Variants in DHX29 observed in about 807,000 individuals in gnomAD.
DHX29 encodes the protein DExH-box helicase 29, also known as ATP-dependent RNA helicase DHX29.
In DHX29, 79 loss-of-function variants were observed where a neutral mutation model predicts 167.9. The ratio of observed to expected loss-of-function variants is 0.47; its 90% CI spans 0.39 to 0.57. The LOEUF is 0.57. Among genes scored for constraint, DHX29 ranks in the 20% least tolerant of loss-of-function variants. The pLI, the probability that DHX29 is intolerant of heterozygous loss-of-function variation, is 0.00. For synonymous variants in DHX29, 530 were observed against 546.0 expected (o/e 0.97, Z 0.41); for missense variants, 1,347 against 1,593.4 (o/e 0.85, Z 2.63).
chr5:55,283,917 A>C (rs1318016872), intron 10 of DHX29, 106 bp from the exon 11 acceptor site: 6 of 917,636 alleles, frequency 6.5e-6, no homozygotes, highest in Non-Finnish European at 9.3e-6. Context: ...ATATAATTTG[A>C]CTCAAATTAT....
At chr5:55,293,857 T>G (rs898900681) in intron 6 of DHX29, among the ~76,000 whole-genome samples, 160 bp downstream of exon 6, 3 of 152,186 alleles carry the variant, frequency 2.0e-5, no homozygotes, top group African/African-American at 7.2e-5. Context: ...GCAGTTAACT[T>G]TCTGCTAAGT....
chr5:55,294,701 T>C (rs1748223319), intron 5 of DHX29: 1 of 152,506 alleles, frequency 6.6e-6, no homozygotes, highest in African/African-American at 2.4e-5. Context: ...ACAAAAAAAC[T>C]AGTGTTATTC....
rs763478054 is a variant in DHX29 at position 55,277,263 on chromosome 5, T to C, written c.2129A>G (p.Gln710Arg). The C allele has an allele frequency of 6.2e-7, 1 of 1,604,080 alleles. No individual in the cohort carries two copies. Among genetic ancestry groups the C allele is most frequent in the Non-Finnish European group, 8.5e-7 (1 of 1,174,328 alleles). The change falls in exon 13 of 27, where the codon CAG (glutamine) becomes CGG (arginine). Residue 710 changes from glutamine to arginine, a missense_variant. Physicochemically the swap from Gln to Arg is conservative, Grantham distance 43. Transcript: ENST00000251636. ...CAAGATAATTAGTAGGAAGTCTGAC[T>C]GGACACTTCTTTCATGAACCTAGTT... ...IVDEVHERSV[Q>R]SDFLLIILKE...
At chr5:55,272,504 G>A (rs970307831) in intron 17 of DHX29, among the ~76,000 whole-genome samples, 1 of 152,114 alleles carries the variant, frequency 6.6e-6, no homozygotes, top group Non-Finnish European at 1.5e-5. Flanking sequence ...AGGCCGAGGC[G>A]GGAGGATCAT....
chr5:55,278,093 G>T (rs967588470), intron 12 of DHX29, among the ~76,000 whole-genome samples: 4 of 152,034 alleles, frequency 2.6e-5, no homozygotes, highest in Non-Finnish European at 5.9e-5. Context: ...ATCACTGTCA[G>T]AAAAAAGGGT....
intron 1 of DHX29, among the ~76,000 whole-genome samples, chr5:55,304,670 T>C (rs1361968016): frequency 2.0e-5 from 3 of 151,730 alleles, no homozygotes; most frequent in Non-Finnish European, 2.9e-5. Flanking sequence ...CCCTCCTCCC[T>C]ATTCGGCCTC....
intron 23 of DHX29, among the ~76,000 whole-genome samples, chr5:55,264,120 C>A (rs1365284660): frequency 6.6e-6 from 1 of 151,544 alleles, no homozygotes; most frequent in Non-Finnish European, 1.5e-5. Flanking sequence ...CACAGTGAGA[C>A]CCCATCTATT....
Position 55,279,725 on chromosome 5 carries a change from TTTTGC to T in DHX29, c.2109+1642_2109+1646del, listed in dbSNP as rs1278058811. On this transcript the variant is annotated intron_variant, in intron 12 of 26. Transcript: ENST00000251636. ...GGGTTTTTTGTTTTGTTTTGTTTTG[TTTTGC>T]TGTTTTTGTTTTTTTTTTTTGGAGA... 599 of 155,606 alleles carry T rather than the reference TTTTGC, an allele frequency of 3.8e-3. 4 individuals carry two copies. The highest frequency in any genetic ancestry group is 0.014 in the African/African-American group (569 of 40,420). The allele number at this position is 155,606 out of a possible 1,614,324, so 9.6% of individuals were successfully genotyped here.
chr5:55,267,347 G>A (rs1279569288), intron 22 of DHX29, 116 bp from the exon 23 acceptor site: 5 of 750,174 alleles, frequency 6.7e-6, no homozygotes, highest in Non-Finnish European at 1.1e-5. Flanking sequence ...TAAAAGGGGA[G>A]GGATCTTGCT....
intron 26 of DHX29, among the ~76,000 whole-genome samples, chr5:55,257,073 G>T (rs952850454): frequency 2.6e-5 from 4 of 152,134 alleles, no homozygotes; most frequent in African/African-American, 9.7e-5. Context: ...ATGCGGAAGT[G>T]ACAGACCTCT....
intron 11 of DHX29, 62 bp downstream of exon 11, chr5:55,283,141 A>G (rs1747519774): frequency 6.6e-7 from 1 of 1,515,256 alleles, no homozygotes; most frequent in African/African-American, 1.4e-5. Flanking sequence ...CATTTGGATC[A>G]CAAAAGCAAA....
At chr5:55,289,602 A>G (rs1284897397) in intron 7 of DHX29, among the ~76,000 whole-genome samples, 174 bp from the exon 8 acceptor site, 1 of 152,126 alleles carries the variant, frequency 6.6e-6, no homozygotes, top group East Asian at 1.9e-4. Flanking sequence ...CAATTATTTA[A>G]TAATTCCTGT....
In DHX29 at chr5:55,294,138, T is replaced by G. The variant is rs1748187212; in HGVS notation, c.659A>C (p.Lys220Thr). 1 of 1,584,190 alleles carries G rather than the reference T, an allele frequency of 6.3e-7. No individual in the cohort carries two copies. The highest frequency in any genetic ancestry group is 1.1e-5 in the South Asian group (1 of 87,422). The change falls in exon 6 of 27, where the codon AAG (lysine) becomes ACG (threonine). Residue 220 changes from lysine to threonine, a missense_variant. By Grantham distance (78) the Lys-to-Thr change is moderately conservative. Transcript: ENST00000251636. ...ATTTACTTCCATATTTTTTTCTTCCTTTTTTGGCTAGAAAGAGAAAACAAA... is the reference window on the plus strand; with the variant it reads ...ATTTACTTCCATATTTTTTTCTTCCGTTTTTGGCTAGAAAGAGAAAACAAA... ...YEEDPKSKPK[K>T]EEKNMEVNMK...
intron 5 of DHX29, 62 bp downstream of exon 5, chr5:55,295,317 G>A: frequency 8.0e-7 from 1 of 1,253,816 alleles, no homozygotes; most frequent in Non-Finnish European, 1.2e-6. Flanking sequence ...TATACTCTTT[G>A]AACTGTTACA....
rs1489573706 is a variant in DHX29 at position 55,295,315 on chromosome 5, T to C, written c.651+64A>G. 3.2e-6 allele frequency: 4 copies of C among 1,252,896 alleles called. No individual in the cohort carries two copies. The African/African-American group carries it at 4.5e-5, about 14-fold the overall frequency. 77.6% of individuals were successfully genotyped at this position (1,252,896 alleles called of 1,614,324 possible). A position where few individuals can be genotyped will look rare whatever the true frequency, so the allele number is the denominator to read the frequency against. ...TATAGAAACCTAATATTTATACTCT[T>C]TGAACTGTTACATGTGCTCCATTCT... On this transcript the variant is annotated intron_variant, in intron 5 of 26. Transcript: ENST00000251636.
intron 24 of DHX29, 138 bp from the exon 25 acceptor site, chr5:55,261,637 ATTTTC>A (rs1746322126): frequency 3.1e-6 from 2 of 640,538 alleles, no homozygotes; most frequent in South Asian, 4.0e-5. Flanking sequence ...CTACATTTTC[ATTTTC>A]TTATGTGCAT....
At chr5:55,284,234 T>C (rs915069424) in intron 10 of DHX29, among the ~76,000 whole-genome samples, 1 of 152,240 alleles carries the variant, frequency 6.6e-6, no homozygotes, top group Non-Finnish European at 1.5e-5. Flanking sequence ...TCGGAATATG[T>C]TGAACTACTG....
chr5:55,276,146 T>C (rs1747099679), intron 14 of DHX29, 120 bp downstream of exon 14: 2 of 826,128 alleles, frequency 2.4e-6, no homozygotes, highest in Middle Eastern at 3.8e-4. Context: ...CTCAGATCTG[T>C]TCCTCATCTA....
At chr5:55,301,438 G>T (rs1748592898) in intron 1 of DHX29, among the ~76,000 whole-genome samples, 2 of 152,150 alleles carry the variant, frequency 1.3e-5, no homozygotes, top group South Asian at 4.1e-4. Context: ...CCCAGGCCAG[G>T]CGTGGTGGCT....
Sources: gnomAD v4.1 joint callset for allele counts (sites outside exome capture counted in the v4.1 genomes callset) on GRCh38, gnomAD v4.1.1 for gene constraint, MANE v1.5 for transcripts, NCBI Gene and HGNC (gene_info 2026-07-23, HGNC 2026-07-21) for gene names.